NBPF15: variants seen among roughly 807,000 people sequenced by gnomAD.
The protein encoded by NBPF15 is NBPF member 15.
A neutral mutation model predicts 62.2 loss-of-function variants in NBPF15; 74 were observed. The observed-to-expected ratio is 1.19, with a 90% confidence interval of 0.99 to 1.44. NBPF15 has a LOEUF of 1.44. NBPF15 is among the 40% of genes most tolerant of loss of function. The pLI, the probability that NBPF15 is intolerant of heterozygous loss-of-function variation, is 0.00. For synonymous variants in NBPF15, 244 were observed against 209.7 expected (o/e 1.16, Z -1.41); for missense variants, 790 against 550.0 (o/e 1.44, Z -4.36).
chr1:144,435,117 T>A lies in NBPF15; in HGVS notation c.766A>T (p.Ile256Phe), dbSNP rs1677263334. 4.3e-6 allele frequency: 7 copies of A among 1,612,772 alleles called. 1 individual carries two copies. Among genetic ancestry groups the A allele is most frequent in the Non-Finnish European group, 5.9e-6 (7 of 1,179,726 alleles). The change falls in exon 12 of 22, where the codon ATT becomes TTT. Residue 256 changes from isoleucine (I) to phenylalanine (F), a missense_variant. By Grantham distance (21) the Ile-to-Phe change is conservative. Transcript: ENST00000581897. ...HVEWEDAVHIIPENESDDEEE... is the reference protein window; with the variant it reads ...HVEWEDAVHIFPENESDDEEE... ...CAAGGAAAACAGAGGCTACCTGGAA[T>A]AATGTGTACAGCATCCTCCCATTCA...
intron 13 of NBPF15, among the ~76,000 whole-genome samples, chr1:144,430,895 C>T (rs1553540109): frequency 1.3e-5 from 2 of 152,020 alleles, no homozygotes; most frequent in East Asian, 1.9e-4. Flanking sequence ...CCTGATGGAG[C>T]TGAAAACCAT....
Position 144,429,092 on chromosome 1 carries a change from C to G in NBPF15, c.989-435G>C, listed in dbSNP as rs1285993006. Among the ~76,000 whole-genome samples the G allele has an allele frequency of 2.0e-5, 3 of 151,862 alleles. No individual in the cohort carries two copies. In the South Asian group the frequency reaches 6.2e-4, roughly 32 times the overall value. On this transcript the variant is annotated intron_variant, in intron 14 of 21. Coordinates refer to ENST00000581897, the MANE Select transcript of NBPF15 (RefSeq NM_001385408.1). Reference sequence around the variant, plus strand: ...TACCAGCTCTTGAGTCAAAATGAAACTTGGTTCTACACAGAAGCATCAGCT... The same window carrying G: ...TACCAGCTCTTGAGTCAAAATGAAAGTTGGTTCTACACAGAAGCATCAGCT...
chr1:144,455,856 G>T (rs1342148193), intron 4 of NBPF15, among the ~76,000 whole-genome samples: 1 of 151,914 alleles, frequency 6.6e-6, no homozygotes, highest in African/African-American at 2.4e-5. Context: ...AGCAGGGCAT[G>T]GTACCTAATA....
intron 4 of NBPF15, among the ~76,000 whole-genome samples, chr1:144,454,923 C>G (rs868987710): frequency 6.7e-6 from 1 of 150,282 alleles, no homozygotes; most frequent in East Asian, 2.0e-4. Flanking sequence ...TCCCTGCCTA[C>G]AAGACAGAAG....
chr1:144,438,510 G>T (rs1553541862), intron 8 of NBPF15, among the ~76,000 whole-genome samples: 1 of 151,874 alleles, frequency 6.6e-6, no homozygotes, highest in East Asian at 1.9e-4. Context: ...TAAAATCTTT[G>T]ATTTTTAAAT....
At chr1:144,436,522 C>T (rs1678502619) in intron 10 of NBPF15, among the ~76,000 whole-genome samples, 1 of 151,978 alleles carries the variant, frequency 6.6e-6, no homozygotes, top group African/African-American at 2.4e-5. Flanking sequence ...AAGTCATTCA[C>T]TCTCTGACAG....
At chr1:144,447,111 C>T (rs587716233) in intron 6 of NBPF15, among the ~76,000 whole-genome samples, 100 of 152,364 alleles carry the variant, frequency 6.6e-4, no homozygotes, top group South Asian at 2.7e-3. Flanking sequence ...CCAAGTCCCA[C>T]GGCCTGTCCT....
intron 6 of NBPF15, among the ~76,000 whole-genome samples, chr1:144,445,270 GTATATA>G (rs59434439): frequency 0.067 from 7,007 of 105,000 alleles, 438 homozygotes; most frequent in African/African-American, 0.18. Flanking sequence ...GTCTGTATAT[GTATATA>G]TATATATATA....
At position 144,442,261 on chromosome 1, in the gene NBPF15, CATT is replaced by C. The variant is rs1173533979; in HGVS notation, c.-190-1969_-190-1967del. Reference sequence around the variant, plus strand: ...ATATATTATTAATATAGATGTAGGCCATTATTAATATATATACACGTGTATATA... The same window carrying C: ...ATATATTATTAATATAGATGTAGGCCATTAATATATATACACGTGTATATA... On this transcript the variant is annotated intron_variant, in intron 6 of 21. Coordinates refer to ENST00000581897, the MANE Select transcript of NBPF15 (RefSeq NM_001385408.1). Among the ~76,000 whole-genome samples, 174 of 99,388 alleles carry C rather than the reference CATT, an allele frequency of 1.8e-3. 2 individuals carry two copies. Among genetic ancestry groups the C allele is most frequent in the Non-Finnish European group, 2.8e-3 (146 of 51,432 alleles). The allele number at this position is 99,388 out of a possible 152,430, so 65.2% of individuals were successfully genotyped here.
intron 13 of NBPF15, among the ~76,000 whole-genome samples, chr1:144,432,455 A>T (rs1333863771): frequency 2.0e-5 from 3 of 152,054 alleles, no homozygotes; most frequent in African/African-American, 7.2e-5. Context: ...TTCACACATA[A>T]CAATATTAAC....
intron 4 of NBPF15, among the ~76,000 whole-genome samples, chr1:144,455,097 A>AGGG: frequency 7.3e-6 from 1 of 136,502 alleles, no homozygotes; most frequent in Non-Finnish European, 1.5e-5. Flanking sequence ...AGGAGGAAGG[A>AGGG]AGGAAGGAAG....
chr1:144,447,203 G>A (rs1688197695), intron 6 of NBPF15, among the ~76,000 whole-genome samples: 1 of 152,284 alleles, frequency 6.6e-6, no homozygotes, highest in Admixed American at 6.5e-5. Context: ...CCAGCCTGCA[G>A]AGGAGAGGTG....
At chr1:144,438,481 C>G (rs1166084453) in intron 8 of NBPF15, among the ~76,000 whole-genome samples, 1 of 151,830 alleles carries the variant, frequency 6.6e-6, no homozygotes, top group Non-Finnish European at 1.5e-5. Context: ...ATTTCAAGGA[C>G]AAGTATGTGA....
At chr1:144,451,464 G>T (rs1244906968) in intron 4 of NBPF15, among the ~76,000 whole-genome samples, 1 of 151,226 alleles carries the variant, frequency 6.6e-6, no homozygotes, top group Non-Finnish European at 1.5e-5. Flanking sequence ...TCGGGCTGGG[G>T]GACAGTCAGG....
At position 144,423,133 on chromosome 1, in the gene NBPF15, C is replaced by T. The variant is rs782407041; in HGVS notation, c.1893G>A (p.Val631=). 8 of 1,611,468 alleles carry T rather than the reference C, an allele frequency of 5.0e-6. No individual in the cohort carries two copies. The Admixed American group carries it at 5.0e-5, about 10-fold the overall frequency. The change falls in exon 22 of 22, where the codon GTG becomes GTA. Residue 631 remains valine (V), a synonymous_variant. Coordinates refer to ENST00000581897, the MANE Select transcript of NBPF15 (RefSeq NM_001385408.1). ...QPDSFQHYRS[V]FYSFEEEHIS... ...TATGCTCTTCCTCAAATGAGTAAAA[C>T]ACACTTCTGTAGTGCTGGAATGAGT...
intron 10 of NBPF15, among the ~76,000 whole-genome samples, chr1:144,436,674 C>G (rs1270507304): frequency 2.6e-5 from 4 of 152,074 alleles, no homozygotes; most frequent in Admixed American, 2.0e-4. Context: ...ACTCCAAAGA[C>G]CACCTTCCAT....
At chr1:144,438,992 TA>T (rs1571135628) in intron 8 of NBPF15, among the ~76,000 whole-genome samples, 1 of 151,422 alleles carries the variant, frequency 6.6e-6, no homozygotes, top group African/African-American at 2.4e-5. Context: ...TCATTATTAT[TA>T]TTATTTTTTT....
intron 6 of NBPF15, among the ~76,000 whole-genome samples, chr1:144,442,135 A>ATATATATATAATATATATACACGTG (rs1683477541): frequency 3.7e-4 from 4 of 10,948 alleles, no homozygotes; most frequent in African/African-American, 8.3e-4. Flanking sequence ...ACACGTGTAT[A>ATATATATATAATATATATACACGTG]TATATATATA....
chr1:144,455,387 C>G (rs1571166419), intron 4 of NBPF15, among the ~76,000 whole-genome samples: 1 of 152,030 alleles, frequency 6.6e-6, no homozygotes, highest in South Asian at 2.1e-4. Context: ...AACACGCTAA[C>G]TAGTTATTGG....
Sources: gnomAD v4.1 joint callset for allele counts (sites outside exome capture counted in the v4.1 genomes callset) on GRCh38, gnomAD v4.1.1 for gene constraint, MANE v1.5 for transcripts, NCBI Gene and HGNC (gene_info 2026-07-23, HGNC 2026-07-21) for gene names.